The following PCNX2 variants were observed in gnomAD, a reference collection of about 807,000 sequenced individuals.
The protein encoded by PCNX2 is pecanex-like protein 2.
PCNX2 carries 168 observed loss-of-function variants against 223.8 expected under a neutral mutation model. The ratio of observed to expected loss-of-function variants is 0.75; its 90% CI spans 0.66 to 0.85. PCNX2 has a LOEUF of 0.85. Ranked by LOEUF, PCNX2 falls within the 40% of genes least tolerant of loss-of-function variation. PCNX2 has a pLI of 0.00. For missense variants in PCNX2, 2,507 were observed against 2,675.5 expected (o/e 0.94, Z 1.39); for synonymous variants, 1,006 against 1,052.6 (o/e 0.96, Z 0.86).
intron 19 of PCNX2, among the ~76,000 whole-genome samples, chr1:233,159,624 G>A (rs900453628): frequency 6.6e-6 from 1 of 152,250 alleles, no homozygotes; most frequent in Non-Finnish European, 1.5e-5. Context: ...CACAGAACAG[G>A]GAATTACAGA....
chr1:233,050,745 T>C lies in PCNX2; in HGVS notation c.4351+3523A>G, dbSNP rs915412428. Among the ~76,000 whole-genome samples, 6 of 151,932 alleles carry C rather than the reference T, an allele frequency of 3.9e-5. No individual in the cohort carries two copies. In the East Asian group the frequency reaches 1.2e-3, roughly 29 times the overall value. Reference sequence around the variant, plus strand: ...TATAGGAGGAAAACCTAGAAAACATTATTCTGGACATGGGCCTTAGGAAAG... The same window carrying C: ...TATAGGAGGAAAACCTAGAAAACATCATTCTGGACATGGGCCTTAGGAAAG... On this transcript the variant is annotated intron_variant, in intron 25 of 33. Transcript: ENST00000258229.
intron 8 of PCNX2, 113 bp from the exon 9 acceptor site, chr1:233,237,093 C>T (rs1249178636): frequency 8.3e-6 from 11 of 1,321,046 alleles, no homozygotes; most frequent in South Asian, 5.6e-5. Context: ...GTGGATGAGA[C>T]TTTACAACCT....
At chr1:232,984,500 A>G (rs943060207) in intron 33 of PCNX2, 23 bp from the exon 34 acceptor site, 11 of 1,607,454 alleles carry the variant, frequency 6.8e-6, no homozygotes, top group African/African-American at 6.7e-5. Context: ...AGAGAGAAAC[A>G]GTGAACAGCT....
At chr1:233,059,756 G>A (rs1672334376) in intron 23 of PCNX2, among the ~76,000 whole-genome samples, 1 of 152,186 alleles carries the variant, frequency 6.6e-6, no homozygotes, top group African/African-American at 2.4e-5. Flanking sequence ...AACAAGACTA[G>A]CTGCCAGTCA....
Position 233,258,885 on chromosome 1 carries a change from G to T in PCNX2, c.977C>A (p.Pro326Gln). Reference protein sequence around the residue: ...DTIVAKPVEEPADTSCQVDTS... With the variant: ...DTIVAKPVEEQADTSCQVDTS... Reference sequence around the variant, plus strand: ...ATCTACCTGACAGGATGTGTCTGCTGGCTCCTCCACAGGCTTGGCCACGAT... The same window carrying T: ...ATCTACCTGACAGGATGTGTCTGCTTGCTCCTCCACAGGCTTGGCCACGAT... The change falls in exon 5 of 34, where the codon CCA becomes CAA. Residue 326 changes from proline (P) to glutamine (Q), a missense_variant. Coordinates refer to ENST00000258229, the MANE Select transcript of PCNX2 (RefSeq NM_014801.4). 6.2e-7 allele frequency: 1 copy of T among 1,613,880 alleles called. No homozygotes were observed. The highest frequency in any genetic ancestry group is 1.1e-5 in the South Asian group (1 of 91,076).
At chr1:233,070,528 T>C (rs532650653) in intron 23 of PCNX2, among the ~76,000 whole-genome samples, 3 of 152,016 alleles carry the variant, frequency 2.0e-5, no homozygotes, top group Non-Finnish European at 4.4e-5. Context: ...ACAATGTGGG[T>C]TTATTCCAGG....
intron 19 of PCNX2, among the ~76,000 whole-genome samples, chr1:233,153,396 G>T (rs1677935464): frequency 6.6e-6 from 1 of 152,142 alleles, no homozygotes; most frequent in Non-Finnish European, 1.5e-5. Context: ...GTTGGAATGA[G>T]AAATATACTA....
At chr1:233,282,538 T>G (rs1661244946) in intron 1 of PCNX2, among the ~76,000 whole-genome samples, 1 of 152,198 alleles carries the variant, frequency 6.6e-6, no homozygotes, top group Non-Finnish European at 1.5e-5. Context: ...CTCATACGCC[T>G]CTGGTTCAAA....
intron 9 of PCNX2, among the ~76,000 whole-genome samples, chr1:233,231,437 A>G (rs1202957375): frequency 6.6e-6 from 1 of 152,204 alleles, no homozygotes; most frequent in Admixed American, 6.5e-5. Flanking sequence ...AACCATATCT[A>G]ATAAAAACGA....
the PCNX2 span, among the ~76,000 whole-genome samples, chr1:233,313,694 A>G: frequency 1.8e-4 from 28 of 152,250 alleles, no homozygotes; most frequent in Non-Finnish European, 4.0e-4. Flanking sequence ...TAGTATACAC[A>G]GACCTCCTAA....
At chr1:233,228,026 A>G (rs1657848386) in intron 9 of PCNX2, among the ~76,000 whole-genome samples, 1 of 152,178 alleles carries the variant, frequency 6.6e-6, no homozygotes, top group African/African-American at 2.4e-5. Context: ...CAAATACTTA[A>G]TGAGGGATTC....
In PCNX2 at chr1:233,016,981, T is replaced by C; in HGVS notation, c.4779A>G (p.Arg1593=). 1 of 1,613,760 alleles carries C rather than the reference T, an allele frequency of 6.2e-7. No homozygotes were observed. Among genetic ancestry groups the C allele is most frequent in the Non-Finnish European group, 8.5e-7 (1 of 1,179,700 alleles). Residue 1593 remains arginine, a synonymous_variant, in exon 27 of 34, where the codon CGA becomes CGG. Coordinates refer to ENST00000258229, the MANE Select transcript of PCNX2 (RefSeq NM_014801.4). ...CTAGATAAACATTGCAGAAGCTAGC[T>C]CGTGTGATCCCCTGGAGACACGGGA... ...DYVPCLQGIT[R]ASFCNVYLEW...
intron 19 of PCNX2, among the ~76,000 whole-genome samples, chr1:233,153,339 G>T (rs12097922): frequency 0.054 from 8,280 of 152,238 alleles, 646 homozygotes; most frequent in African/African-American, 0.18. Context: ...AGTCAGGGAG[G>T]GAGGACGGAG....
chr1:233,315,398 A>G, the PCNX2 span, among the ~76,000 whole-genome samples: 2 of 152,220 alleles, frequency 1.3e-5, no homozygotes, highest in Non-Finnish European at 2.9e-5. Context: ...ATTTCAAAAG[A>G]GCTGTTCAAT....
intron 1 of PCNX2, chr1:233,291,672 C>T: frequency 1.0e-6 from 1 of 973,880 alleles, no homozygotes; most frequent in Non-Finnish European, 1.2e-6. Flanking sequence ...GGCTAGTGCT[C>T]TCAGGACTTA....
At chr1:233,188,922 T>G (rs1680263881) in intron 15 of PCNX2, among the ~76,000 whole-genome samples, 1 of 152,178 alleles carries the variant, frequency 6.6e-6, no homozygotes, top group African/African-American at 2.4e-5. Flanking sequence ...TAATGTAACT[T>G]CATCACAGGA....
At chr1:233,178,029 T>G (rs1434015236) in intron 16 of PCNX2, 131 bp from the exon 17 acceptor site, 2 of 663,564 alleles carry the variant, frequency 3.0e-6, no homozygotes, top group African/African-American at 3.7e-5. Context: ...AAATTTATAA[T>G]AAAAAGAGGT....
chr1:233,133,720 C>G (rs1329010786), intron 21 of PCNX2, among the ~76,000 whole-genome samples: 2 of 151,964 alleles, frequency 1.3e-5, no homozygotes, highest in Non-Finnish European at 2.9e-5. Flanking sequence ...ATTAGCCAGG[C>G]GTGGTGGTGC....
chr1:233,061,058 A>G (rs1672389023), intron 23 of PCNX2, among the ~76,000 whole-genome samples: 1 of 152,198 alleles, frequency 6.6e-6, no homozygotes, highest in Non-Finnish European at 1.5e-5. Flanking sequence ...TAATGCTTCA[A>G]ATTCCCCTTT....
Sources: allele counts gnomAD v4.1 joint callset (sites outside exome capture counted in the v4.1 genomes callset), GRCh38; gene constraint gnomAD v4.1.1; transcripts MANE v1.5; gene names NCBI Gene and HGNC (gene_info 2026-07-23, HGNC 2026-07-21).